The following SLC35E2B variants were observed in gnomAD, a reference collection of about 807,000 sequenced individuals.
SLC35E2B encodes solute carrier family 35 member E2B.
SLC35E2B carries 18 observed loss-of-function variants against 32.4 expected under a neutral mutation model. The observed-to-expected ratio is 0.56, with a 90% CI of 0.38 to 0.82. The LOEUF is 0.82. Among genes scored for constraint, SLC35E2B ranks in the 40% least tolerant of loss-of-function variants. SLC35E2B has a pLI of 0.00. For synonymous variants in SLC35E2B, 132 were observed against 209.1 expected, an observed-to-expected ratio of 0.63 and a Z score of 3.18; for missense variants, 263 against 469.5, an observed-to-expected ratio of 0.56 and a Z score of 4.06.
rs1445807879 is a variant in SLC35E2B, at chr1:1,689,920, G to A, written c.-148+1056C>T. ...GAGAATTGCTTGAACCCAGGACGGG[G>A]AGGTTGCAGTGAGCCCAGACTGCGC... On this transcript the variant is annotated intron_variant, in intron 2 of 9. Transcript: ENST00000617444. 3.9e-4 allele frequency among the ~76,000 whole-genome samples: 58 copies of A among 150,436 alleles called. 1 individual carries two copies. The highest frequency in any genetic ancestry group is 7.1e-4 in the Non-Finnish European group (48 of 67,376).
chr1:1,678,892 G>A (rs1266645267), intron 2 of SLC35E2B, among the ~76,000 whole-genome samples: 1 of 152,162 alleles, frequency 6.6e-6, no homozygotes, highest in Admixed American at 6.5e-5. Context: ...GGCTGGGGGT[G>A]GAGCAGCTAC....
rs1643524109 is a variant in SLC35E2B at position 1,665,713 on chromosome 1, A to C, written c.*69T>G. Reference sequence around the variant, plus strand: ...CTGCACCCCAGCAGGGCCATGGAGGAGGGCGTCCCTGCCCATTTCTGGGGG... The same window carrying C: ...CTGCACCCCAGCAGGGCCATGGAGGCGGGCGTCCCTGCCCATTTCTGGGGG... On this transcript the variant is annotated 3_prime_UTR_variant, in exon 10 of 10. Coordinates refer to ENST00000617444, the MANE Select transcript of SLC35E2B (RefSeq NM_001290264.2). The C allele has an allele frequency of 6.6e-7, 1 of 1,522,860 alleles. No homozygotes were observed. The highest frequency in any genetic ancestry group is 1.4e-5 in the African/African-American group (1 of 72,470). 94.3% of individuals were successfully genotyped at this position (1,522,860 alleles called of 1,614,324 possible).
At chr1:1,685,451 C>G (rs1340955367) in intron 2 of SLC35E2B, among the ~76,000 whole-genome samples, 5 of 146,528 alleles carry the variant, frequency 3.4e-5, no homozygotes, top group Non-Finnish European at 6.0e-5. Flanking sequence ...AAAAGAAATA[C>G]AGGAAGGATA....
intron 2 of SLC35E2B, among the ~76,000 whole-genome samples, chr1:1,678,102 C>T (rs371837419): frequency 1.3e-5 from 2 of 152,112 alleles, no homozygotes; most frequent in Non-Finnish European, 2.9e-5. Context: ...GCTCTGGGAG[C>T]GTGTGGTGCC....
chr1:1,675,270 T>C (rs9442408), intron 5 of SLC35E2B, among the ~76,000 whole-genome samples, 193 bp downstream of exon 5: 34 of 149,848 alleles, frequency 2.3e-4, no homozygotes, highest in South Asian at 8.5e-4. Context: ...AGTGTGAGAA[T>C]ACCTGGCAGA....
chr1:1,683,731 C>T (rs1444841009), intron 2 of SLC35E2B, among the ~76,000 whole-genome samples: 3 of 152,100 alleles, frequency 2.0e-5, no homozygotes, highest in East Asian at 3.8e-4. Flanking sequence ...CAGGGCCCCA[C>T]CCCCTGCCTC....
intron 9 of SLC35E2B, among the ~76,000 whole-genome samples, chr1:1,666,715 C>T (rs1334493409): frequency 3.3e-5 from 5 of 150,386 alleles, no homozygotes; most frequent in Non-Finnish European, 7.4e-5. Context: ...GGGGCTCATG[C>T]TTGTAACCCC....
At chr1:1,673,818 A>C (rs12736155) in intron 5 of SLC35E2B, among the ~76,000 whole-genome samples, 55,250 of 150,256 alleles carry the variant, frequency 0.37, 11,965 homozygotes, top group Non-Finnish European at 0.49. Flanking sequence ...AAAAAATTAG[A>C]CGGACGCAGT....
chr1:1,675,451 C>T lies in SLC35E2B; in HGVS notation c.586+12G>A, dbSNP rs1372795849. 8 of 1,611,828 alleles carry T rather than the reference C, an allele frequency of 5.0e-6. 1 individual carries two copies. The highest frequency in any genetic ancestry group is 3.3e-5 in the Admixed American group (2 of 59,794). Reference sequence around the variant, plus strand: ...GGGGCGCAGGCGGAGGGGCGGGGCCCGGGGGCCTCACCTGTGTACTCCCCC... The same window carrying T: ...GGGGCGCAGGCGGAGGGGCGGGGCCTGGGGGCCTCACCTGTGTACTCCCCC... On this transcript the variant is annotated intron_variant, in intron 5 of 9. Transcript: ENST00000617444.
rs1643515349 is a variant in SLC35E2B at position 1,665,420 on chromosome 1, A to C, written c.*362T>G. On this transcript the variant is annotated 3_prime_UTR_variant, in exon 10 of 10. Coordinates refer to ENST00000617444, the MANE Select transcript of SLC35E2B (RefSeq NM_001290264.2). ...AGCCGAGGGCTCTCTTGGCTGTGGC[A>C]GGGAGCGGCTCTCGTTGGCACTGGA... 3 of 456,648 alleles carry C rather than the reference A, an allele frequency of 6.6e-6. No individual in the cohort carries two copies. Among genetic ancestry groups the C allele is most frequent in the Non-Finnish European group, 1.2e-5 (3 of 259,752 alleles). 28.3% of individuals were successfully genotyped at this position (456,648 alleles called of 1,614,324 possible).
At chr1:1,670,027 T>A in intron 7 of SLC35E2B, 71 bp downstream of exon 7, 1 of 1,366,896 alleles carries the variant, frequency 7.3e-7, no homozygotes. Flanking sequence ...TGGGGTGTTC[T>A]GACTCTTACA....
rs1352426488 is a variant in SLC35E2B, at chr1:1,662,935, A to G, written c.*2847T>C. 46 of 886,450 alleles carry G rather than the reference A, an allele frequency of 5.2e-5. 4 individuals are homozygous for G. Among genetic ancestry groups the G allele is most frequent in the Non-Finnish European group, 6.2e-5 (46 of 738,134 alleles). 54.9% of individuals were successfully genotyped at this position (886,450 alleles called of 1,614,324 possible). A position where few individuals can be genotyped will look rare whatever the true frequency, so the allele number is the denominator to read the frequency against. ...AAAAGTATTACACAAAGTTATTTTA[A>G]AAAATGTCTGTACAATCGTTAACAC... On this transcript the variant is annotated 3_prime_UTR_variant, in exon 10 of 10. Transcript: ENST00000617444.
intron 2 of SLC35E2B, among the ~76,000 whole-genome samples, chr1:1,678,548 C>T (rs1643873255): frequency 1.3e-5 from 2 of 152,114 alleles, no homozygotes; most frequent in South Asian, 4.1e-4. Context: ...CCAGGCCACC[C>T]ATGTGTGCCC....
chr1:1,689,433 G>C (rs1212536996), intron 2 of SLC35E2B, among the ~76,000 whole-genome samples: 1 of 151,622 alleles, frequency 6.6e-6, no homozygotes, highest in African/African-American at 2.4e-5. Context: ...GGAAGGTGCT[G>C]TTATCACCCA....
intron 2 of SLC35E2B, among the ~76,000 whole-genome samples, chr1:1,687,829 G>C (rs1048183707): frequency 5.9e-5 from 9 of 152,048 alleles, no homozygotes; most frequent in African/African-American, 2.2e-4. Context: ...CGGAGGCGGA[G>C]GTTGCAGGGA....
rs1439719945 is a variant in SLC35E2B, at chr1:1,671,496, C to A, written c.707+13G>T. On this transcript the variant is annotated intron_variant, in intron 6 of 9. Transcript: ENST00000617444. ...GTCTCGTCCCCCTCACGCCCACCTT[C>A]TCTGTGACTCACCAGTCCATGATGT... 2.0e-6 allele frequency: 3 copies of A among 1,499,056 alleles called. No homozygotes were observed. Among genetic ancestry groups the A allele is most frequent in the Admixed American group, 2.2e-5 (1 of 44,810 alleles). The allele number at this position is 1,499,056 out of a possible 1,614,324, so 92.9% of individuals were successfully genotyped here.
chr1:1,684,162 C>A (rs1211953195), intron 2 of SLC35E2B, among the ~76,000 whole-genome samples: 1 of 152,134 alleles, frequency 6.6e-6, no homozygotes, highest in Non-Finnish European at 1.5e-5. Flanking sequence ...AGGCCACTGA[C>A]ATCTCCACAG....
At chr1:1,678,394 C>G (rs1192782188) in intron 2 of SLC35E2B, among the ~76,000 whole-genome samples, 1 of 152,080 alleles carries the variant, frequency 6.6e-6, no homozygotes, top group South Asian at 2.1e-4. Flanking sequence ...GGAACAGGCG[C>G]TTCTGCCCTC....
chr1:1,678,966 C>A (rs74336248), intron 2 of SLC35E2B, among the ~76,000 whole-genome samples: 8 of 152,130 alleles, frequency 5.3e-5, no homozygotes, highest in African/African-American at 1.9e-4. Context: ...ACAGAGCACT[C>A]GCGACAGGGC....
Sources: gnomAD v4.1 joint callset for allele counts (sites outside exome capture counted in the v4.1 genomes callset) on GRCh38, gnomAD v4.1.1 for gene constraint, MANE v1.5 for transcripts, NCBI Gene and HGNC (gene_info 2026-07-23, HGNC 2026-07-21) for gene names.